The following APBA2 variants were observed in gnomAD, a reference collection of about 807,000 sequenced individuals.
APBA2 encodes amyloid beta precursor protein binding family A member 2.
APBA2 carries 30 observed loss-of-function variants against 75.0 expected under a neutral mutation model. The ratio of observed to expected loss-of-function variants is 0.40; its 90% CI spans 0.30 to 0.54. The LOEUF (loss-of-function observed/expected upper bound fraction) is 0.54. APBA2 is among the 20% of genes least tolerant of loss of function. The pLI is 0.49. For synonymous variants in APBA2, 444 were observed against 409.6 expected (o/e 1.08, Z -1.01); for missense variants, 801 against 1,016.1 (o/e 0.79, Z 2.88).
intron 2 of APBA2, among the ~76,000 whole-genome samples, chr15:28,981,748 A>G (rs1310575065): frequency 6.6e-6 from 1 of 152,170 alleles, no homozygotes; most frequent in African/African-American, 2.4e-5. Context: ...AAGACACATA[A>G]TCAGTCTAGG....
chr15:28,909,927 G>A (rs1416926397), intron 1 of APBA2, among the ~76,000 whole-genome samples: 1 of 152,212 alleles, frequency 6.6e-6, no homozygotes, highest in African/African-American at 2.4e-5. Flanking sequence ...GACTGCAGTA[G>A]CTGGTGCGAT....
At chr15:28,943,501 A>G (rs1040110460) in intron 2 of APBA2, among the ~76,000 whole-genome samples, 11 of 152,208 alleles carry the variant, frequency 7.2e-5, no homozygotes, top group African/African-American at 2.7e-4. Flanking sequence ...TGGCAAGTGC[A>G]GTTAATCCTG....
At position 29,054,494 on chromosome 15, in the gene APBA2, A is replaced by C. The variant is rs1566952083; in HGVS notation, c.610A>C (p.Asn204His). Residue 204 changes from asparagine (N) to histidine (H), a missense_variant, in exon 4 of 15, where the codon AAC (asparagine) becomes CAC (histidine). Transcript: ENST00000683413. This position sits in a 1 kb window ranked among gnomAD's most constrained non-coding sequence, Gnocchi z 6.1. ...CTACTACCCCGAGGAGGCCAACGGG[A>C]ACACCGGCGCCTCCCCCTACCGCCT... The part of the protein sequence containing the change: ...QDYYPEEANG[N>H]TGASPYRLRR... 2 of 1,613,788 alleles carry C rather than the reference A, an allele frequency of 1.2e-6. No individual in the cohort carries two copies. The highest frequency in any genetic ancestry group is 2.7e-5 in the African/African-American group (2 of 75,044).
At chr15:28,964,191 A>T (rs930768576) in intron 2 of APBA2, among the ~76,000 whole-genome samples, 1 of 152,208 alleles carries the variant, frequency 6.6e-6, no homozygotes, top group Non-Finnish European at 1.5e-5. Context: ...CAATTGCTGG[A>T]TTGCATGGTA....
chr15:29,027,343 T>G (rs1246731642), intron 3 of APBA2, among the ~76,000 whole-genome samples: 2 of 152,238 alleles, frequency 1.3e-5, no homozygotes, highest in Non-Finnish European at 2.9e-5. Flanking sequence ...TTCTACTTAT[T>G]GAGCCAATTG....
rs1259857469 is a variant in APBA2, at chr15:28,890,902, C to T, written c.-205+4624C>T. On this transcript the variant is annotated intron_variant, in intron 1 of 14. Coordinates refer to ENST00000683413, the MANE Select transcript of APBA2 (RefSeq NM_001353788.2). ...TTTTAAGGGTCAGGTTTGTGAGTTA[C>T]AGCTACGGCCTAGTGAGAGAATGCA... is the stretch of plus-strand genomic sequence containing the variant. Among the ~76,000 whole-genome samples, 6 of 152,208 alleles carry T rather than the reference C, an allele frequency of 3.9e-5. No homozygotes were observed. The East Asian group carries it at 1.2e-3, about 29-fold the overall frequency.
chr15:28,945,851 A>C (rs918217282), intron 2 of APBA2, among the ~76,000 whole-genome samples: 1 of 151,870 alleles, frequency 6.6e-6, no homozygotes, highest in Admixed American at 6.6e-5. Context: ...GGGAAAACAC[A>C]CTCTCCACAG....
intron 4 of APBA2, among the ~76,000 whole-genome samples, chr15:29,065,412 A>C (rs561072009): frequency 6.6e-6 from 1 of 152,270 alleles, no homozygotes; most frequent in South Asian, 2.1e-4. Flanking sequence ...CAGACATGGG[A>C]GTTTTACCCC....
At chr15:28,945,521 ATTT>A (rs79363150) in intron 2 of APBA2, among the ~76,000 whole-genome samples, 2 of 140,254 alleles carry the variant, frequency 1.4e-5, no homozygotes. Context: ...CCGCTCATTG[ATTT>A]TTTTTTTTTT....
intron 3 of APBA2, among the ~76,000 whole-genome samples, chr15:28,997,600 A>G (rs2038598424): frequency 6.6e-6 from 1 of 152,132 alleles, no homozygotes; most frequent in East Asian, 1.9e-4. Flanking sequence ...CCCAGGGTTA[A>G]GCAGCTGCCT....
rs558591646 is a variant in APBA2, at chr15:29,076,434, G to A, written c.1069+343G>A. Reference sequence around the variant, plus strand: ...CACTTCTGATCAGGGTGGATATAATGCATTCAAATTCAGGCTTTTTTTTTT... The same window carrying A: ...CACTTCTGATCAGGGTGGATATAATACATTCAAATTCAGGCTTTTTTTTTT... On this transcript the variant is annotated intron_variant, in intron 6 of 14. Coordinates refer to ENST00000683413, the MANE Select transcript of APBA2 (RefSeq NM_001353788.2). 9.3e-5 allele frequency among the ~76,000 whole-genome samples: 14 copies of A among 150,520 alleles called. No homozygotes were observed. The South Asian group carries it at 2.7e-3, about 29-fold the overall frequency.
At chr15:28,978,790 C>T (rs748599630) in intron 2 of APBA2, among the ~76,000 whole-genome samples, 14 of 152,188 alleles carry the variant, frequency 9.2e-5, no homozygotes, top group Admixed American at 2.6e-4. Flanking sequence ...CACAGAGTTC[C>T]ACAACTTGAA....
chr15:28,894,673 C>T (rs1158540546), intron 1 of APBA2, among the ~76,000 whole-genome samples: 2 of 152,140 alleles, frequency 1.3e-5, no homozygotes, highest in Non-Finnish European at 2.9e-5. Flanking sequence ...CTAGAGAGTC[C>T]TTGCTGTGGG....
chr15:29,073,525 T>C (rs1374600484), intron 4 of APBA2, among the ~76,000 whole-genome samples: 2 of 152,196 alleles, frequency 1.3e-5, no homozygotes, highest in African/African-American at 4.8e-5. Flanking sequence ...TAATTTTTTG[T>C]ATTTTTAGTA....
intron 3 of APBA2, among the ~76,000 whole-genome samples, chr15:29,052,453 T>TAAAAAAAAAAAA (rs2041642295): frequency 1.5e-5 from 1 of 68,444 alleles, no homozygotes; most frequent in African/African-American, 5.2e-4. Flanking sequence ...AGACTCCATC[T>TAAAAAAAAAAAA]CAAAAAAAAA....
intron 3 of APBA2, among the ~76,000 whole-genome samples, chr15:29,045,896 A>G (rs1425171496): frequency 6.6e-6 from 1 of 152,170 alleles, no homozygotes; most frequent in Non-Finnish European, 1.5e-5. Flanking sequence ...CAGTTTCACA[A>G]ATGATGTGCT....
chr15:29,026,160 G>A (rs2040212263), intron 3 of APBA2, among the ~76,000 whole-genome samples: 1 of 152,134 alleles, frequency 6.6e-6, no homozygotes, highest in Non-Finnish European at 1.5e-5. Flanking sequence ...GGGCCTCAAT[G>A]CCCTGTATGG....
At chr15:29,114,208 CTG>C (rs2044916355) in intron 14 of APBA2, among the ~76,000 whole-genome samples, 192 bp downstream of exon 14, 1 of 152,246 alleles carries the variant, frequency 6.6e-6, no homozygotes, top group African/African-American at 2.4e-5. Flanking sequence ...CTGGCTCTAA[CTG>C]AGCAACCGGG....
At chr15:29,008,318 G>A (rs2039229811) in intron 3 of APBA2, among the ~76,000 whole-genome samples, 1 of 152,184 alleles carries the variant, frequency 6.6e-6, no homozygotes, top group Admixed American at 6.5e-5. Context: ...TGGTCATGAT[G>A]GTAGCACAGC....
Sources: gnomAD v4.1 joint callset for allele counts (sites outside exome capture counted in the v4.1 genomes callset) on GRCh38, gnomAD v4.1.1 for gene constraint, Gnocchi (gnomAD v3.1) non-coding constraint, MANE v1.5 for transcripts, NCBI Gene and HGNC (gene_info 2026-07-23, HGNC 2026-07-21) for gene names.